CTNNA2: variants seen among roughly 807,000 people sequenced by gnomAD.
CTNNA2 encodes catenin alpha 2.
Under a neutral mutation model 101.0 loss-of-function variants are expected in CTNNA2, and 42 were observed. The ratio of observed to expected loss-of-function variants is 0.42; its 90% CI spans 0.32 to 0.54. The LOEUF (loss-of-function observed/expected upper bound fraction) is 0.54, where lower values mean the gene tolerates loss of function less well. Among genes scored for constraint, CTNNA2 ranks in the 20% least tolerant of loss-of-function variants. The pLI is 0.14. For missense variants in CTNNA2, 871 were observed against 1,223.1 expected (o/e 0.71, Z 4.29); for synonymous variants, 450 against 456.4 (o/e 0.99, Z 0.18).
chr2:80,502,721 T>A (rs1687971666), intron 9 of CTNNA2, among the ~76,000 whole-genome samples: 1 of 152,166 alleles, frequency 6.6e-6, no homozygotes, highest in Non-Finnish European at 1.5e-5. Flanking sequence ...AAACCCTCCA[T>A]GTGTACCCTC....
At chr2:79,411,214 GCGGT>G (rs1472498441) in intron 4 of CTNNA2, among the ~76,000 whole-genome samples, 1 of 151,678 alleles carries the variant, frequency 6.6e-6, no homozygotes, top group Non-Finnish European at 1.5e-5. Context: ...AGTCTTGCTA[GCGGT>G]CTATCAATTT....
At chr2:80,518,522 C>T (rs1457058261) in intron 9 of CTNNA2, among the ~76,000 whole-genome samples, 1 of 152,182 alleles carries the variant, frequency 6.6e-6, no homozygotes, top group Non-Finnish European at 1.5e-5. Context: ...TGTTGAGTTT[C>T]TGCCTAAACC....
chr2:80,094,833 T>C (rs1700042417), intron 7 of CTNNA2, among the ~76,000 whole-genome samples: 1 of 152,222 alleles, frequency 6.6e-6, no homozygotes, highest in African/African-American at 2.4e-5. Context: ...ATAAGAATGC[T>C]TGTGATTTTT....
intron 7 of CTNNA2, among the ~76,000 whole-genome samples, chr2:80,225,271 G>A (rs754039390): frequency 6.6e-6 from 1 of 152,146 alleles, no homozygotes; most frequent in Non-Finnish European, 1.5e-5. Flanking sequence ...AGCAGAGCCC[G>A]ATTGCCCTTT....
chr2:79,999,685 A>AT (rs1184355922), intron 7 of CTNNA2, among the ~76,000 whole-genome samples: 1 of 152,070 alleles, frequency 6.6e-6, no homozygotes, highest in Non-Finnish European at 1.5e-5. Context: ...CCATTCATCC[A>AT]TTTTTACTCA....
chr2:80,529,544 T>TTA (rs1274895729), intron 9 of CTNNA2, among the ~76,000 whole-genome samples: 13 of 152,218 alleles, frequency 8.5e-5, no homozygotes, highest in African/African-American at 2.9e-4. Context: ...CCCTCTTTTG[T>TTA]TCTCTCCCTT....
intron 1 of CTNNA2, among the ~76,000 whole-genome samples, chr2:79,594,451 A>G (rs938759724): frequency 6.6e-6 from 1 of 152,216 alleles, no homozygotes; most frequent in Admixed American, 6.5e-5. Context: ...CTCCTACCTT[A>G]TAGAATCATT....
chr2:80,632,269 C>G (rs562109078), intron 18 of CTNNA2, among the ~76,000 whole-genome samples: 32 of 150,514 alleles, frequency 2.1e-4, no homozygotes, highest in East Asian at 1.4e-3. Flanking sequence ...CATGACCCCC[C>G]CCACCCCAAC....
chr2:80,076,348 G>T (rs188485781), intron 7 of CTNNA2, among the ~76,000 whole-genome samples: 1 of 151,330 alleles, frequency 6.6e-6, no homozygotes, highest in East Asian at 1.9e-4. Flanking sequence ...GTGCAATCAC[G>T]GTTCACTGTA....
At chr2:80,430,499 C>T (rs1203544238) in intron 9 of CTNNA2, among the ~76,000 whole-genome samples, 2 of 152,146 alleles carry the variant, frequency 1.3e-5, no homozygotes, top group Admixed American at 6.5e-5. Context: ...CATGTTCTTT[C>T]TCCTGTTCCA....
chr2:80,616,345 T>C (rs1377011871), intron 17 of CTNNA2: 1 of 151,694 alleles, frequency 6.6e-6, no homozygotes, highest in Non-Finnish European at 1.5e-5. Flanking sequence ...TCCACATTTA[T>C]TGGAGCCCCT....
intron 4 of CTNNA2, among the ~76,000 whole-genome samples, chr2:79,394,612 C>G (rs747106526): frequency 6.6e-6 from 1 of 152,192 alleles, no homozygotes; most frequent in Non-Finnish European, 1.5e-5. Flanking sequence ...AGGGCATCAA[C>G]TGGTAAATCA....
intron 7 of CTNNA2, among the ~76,000 whole-genome samples, chr2:79,967,156 G>A (rs1369384393): frequency 6.6e-6 from 1 of 151,864 alleles, no homozygotes; most frequent in East Asian, 1.9e-4. Context: ...CTGCATAGTT[G>A]AGCTTTCTAG....
Position 80,303,752 on chromosome 2 carries a change from C to A in CTNNA2, c.1057-89459C>A. 6.3e-7 allele frequency: 1 copy of A among 1,587,730 alleles called. No individual in the cohort carries two copies. Reference sequence around the variant, plus strand: ...CATCTGAAAGCAGGCCCCCAGCAGACACAAGACCACCCCCGAGGGCCTCCT... The same window carrying A: ...CATCTGAAAGCAGGCCCCCAGCAGAAACAAGACCACCCCCGAGGGCCTCCT... On this transcript the variant is annotated intron_variant, in intron 7 of 18. Coordinates refer to ENST00000402739, the MANE Select transcript of CTNNA2 (RefSeq NM_001282597.3). This position sits in a 1 kb window ranked among gnomAD's most constrained non-coding sequence, Gnocchi z 7.7.
intron 2 of CTNNA2, among the ~76,000 whole-genome samples, chr2:79,232,661 C>T (rs528810605): frequency 1.3e-5 from 2 of 152,286 alleles, no homozygotes; most frequent in African/African-American, 4.8e-5. Context: ...GTAAATCCAT[C>T]TAGTTTAGGG....
intron 1 of CTNNA2, among the ~76,000 whole-genome samples, chr2:79,576,299 A>G (rs2685150): frequency 0.84 from 128,027 of 152,144 alleles, 54,232 homozygotes; most frequent in African/African-American, 0.93. Flanking sequence ...TTACAAAAAG[A>G]GTTAAAGGAG....
In CTNNA2 at chr2:80,546,039, G is replaced by A. The variant is rs368671776; in HGVS notation, c.1516G>A (p.Val506Met). The A allele has an allele frequency of 3.4e-5, 55 of 1,613,922 alleles. No homozygotes were observed. Among genetic ancestry groups the A allele is most frequent in the Non-Finnish European group, 4.6e-5 (54 of 1,179,984 alleles). Reference protein sequence around the residue: ...LTEAVDDITSVDDFLSVSENH... With the variant: ...LTEAVDDITSMDDFLSVSENH... ...AGAGGCCGTGGATGACATCACCTCA[G>A]TGGATGACTTCCTCTCTGTCTCAGG... The change falls in exon 11 of 19, where the codon GTG becomes ATG. Residue 506 changes from valine to methionine, a missense_variant. Physicochemically the swap from Val to Met is conservative, Grantham distance 21. Coordinates refer to ENST00000402739, the MANE Select transcript of CTNNA2 (RefSeq NM_001282597.3).
chr2:80,217,596 G>A (rs1042620791), intron 7 of CTNNA2, among the ~76,000 whole-genome samples: 9 of 152,270 alleles, frequency 5.9e-5, no homozygotes, highest in African/African-American at 2.2e-4. Context: ...CTAAGGGAGT[G>A]ATAACTGACT....
At chr2:79,558,449 A>C (rs1454550341) in intron 1 of CTNNA2, among the ~76,000 whole-genome samples, 2 of 151,890 alleles carry the variant, frequency 1.3e-5, no homozygotes, top group Non-Finnish European at 2.9e-5. Flanking sequence ...CTTTTATGAC[A>C]TACAGTAGTG....
Sources: allele counts gnomAD v4.1 joint callset (sites outside exome capture counted in the v4.1 genomes callset), GRCh38; gene constraint gnomAD v4.1.1; non-coding constraint Gnocchi (gnomAD v3.1); transcripts MANE v1.5; gene names NCBI Gene and HGNC (gene_info 2026-07-23, HGNC 2026-07-21).